Variants in EPHA6 observed in about 807,000 individuals in gnomAD.
The protein encoded by EPHA6 is ephrin type-A receptor 6.
In EPHA6, 50 loss-of-function variants were observed where a neutral mutation model predicts 112.0. That is an observed-to-expected ratio of 0.45 (90% CI 0.36 to 0.56). The LOEUF is 0.56. EPHA6 is among the 20% of genes least tolerant of loss of function. EPHA6 has a pLI of 0.00. For missense variants in EPHA6, 1,280 were observed against 1,417.4 expected (o/e 0.90, Z 1.56); for synonymous variants, 529 against 490.7 (o/e 1.08, Z -1.03).
At position 97,532,344 on chromosome 3, in the gene EPHA6, G is replaced by A. The variant is rs1297140528; in HGVS notation, c.2201-14G>A. On this transcript the variant is annotated splice_polypyrimidine_tract_variant and intron_variant, in intron 10 of 17. Coordinates refer to ENST00000389672, the MANE Select transcript of EPHA6 (RefSeq NM_001080448.3). ...TCGGTTTAATCAAATAACTGCTTTT[G>A]TTCATATTTTAAGGTGAATTTGGAG... 3 of 1,589,704 alleles carry A rather than the reference G, an allele frequency of 1.9e-6. No individual in the cohort carries two copies. Among genetic ancestry groups the A allele is most frequent in the Non-Finnish European group, 1.7e-6 (2 of 1,168,932 alleles).
At chr3:97,390,215 C>T (rs904505276) in intron 5 of EPHA6, among the ~76,000 whole-genome samples, 2 of 152,024 alleles carry the variant, frequency 1.3e-5, no homozygotes, top group Non-Finnish European at 2.9e-5. Context: ...GAACCAGAAA[C>T]AATGGCAGTG....
Position 97,328,054 on chromosome 3 carries a change from C to T in EPHA6, c.1607-77096C>T, listed in dbSNP as rs12492607. ...GTGTATATATACACACATATATACA[C>T]ATATATATATATATATATATATATA... On this transcript the variant is annotated intron_variant, in intron 5 of 17. Coordinates refer to ENST00000389672, the MANE Select transcript of EPHA6 (RefSeq NM_001080448.3). Among the ~76,000 whole-genome samples, 1,138 of 120,038 alleles carry T rather than the reference C, an allele frequency of 9.5e-3. 52 individuals are homozygous for T. The highest frequency in any genetic ancestry group is 0.04 in the African/African-American group (1,012 of 25,262). 78.7% of individuals were successfully genotyped at this position (120,038 alleles called of 152,430 possible). A position where few individuals can be genotyped will look rare whatever the true frequency, so the allele number is the denominator to read the frequency against.
chr3:97,315,716 A>T (rs1487845351), intron 5 of EPHA6, among the ~76,000 whole-genome samples: 1 of 151,756 alleles, frequency 6.6e-6, no homozygotes. Context: ...AAACATAAAA[A>T]AGCTTCAGTA....
At chr3:97,480,942 A>G (rs2091521226) in intron 9 of EPHA6, among the ~76,000 whole-genome samples, 2 of 150,472 alleles carry the variant, frequency 1.3e-5, no homozygotes, top group African/African-American at 4.9e-5. Flanking sequence ...GACGCTCCTC[A>G]CTTCCTAGAC....
At chr3:96,889,347 A>G (rs552693857) in intron 2 of EPHA6, among the ~76,000 whole-genome samples, 4 of 152,106 alleles carry the variant, frequency 2.6e-5, no homozygotes, top group African/African-American at 4.8e-5. Context: ...GTATTAGTGC[A>G]TTTTCCGACT....
intron 13 of EPHA6, among the ~76,000 whole-genome samples, chr3:97,626,013 G>A (rs753024071): frequency 1.3e-5 from 2 of 151,552 alleles, no homozygotes; most frequent in Admixed American, 6.6e-5. Flanking sequence ...AGTTTTTATG[G>A]GAATTTTGAG....
chr3:97,131,895 A>G (rs148930395), intron 3 of EPHA6, among the ~76,000 whole-genome samples: 23 of 152,256 alleles, frequency 1.5e-4, no homozygotes, highest in African/African-American at 5.3e-4. Flanking sequence ...TACGGTTTCA[A>G]TCATAACCTA....
At chr3:97,662,842 T>C (rs1437734534) in intron 14 of EPHA6, among the ~76,000 whole-genome samples, 7 of 152,228 alleles carry the variant, frequency 4.6e-5, no homozygotes, top group African/African-American at 1.7e-4. Context: ...GGGCTTTTCA[T>C]ATCTCTTTAC....
At chr3:97,357,246 A>G (rs2084127731) in intron 5 of EPHA6, among the ~76,000 whole-genome samples, 1 of 152,084 alleles carries the variant, frequency 6.6e-6, no homozygotes, top group African/African-American at 2.4e-5. Flanking sequence ...TCGCTCTGTC[A>G]CCTAGGCTGG....
chr3:97,390,852 G>A (rs1468888354), intron 5 of EPHA6, among the ~76,000 whole-genome samples: 1 of 151,956 alleles, frequency 6.6e-6, no homozygotes, highest in Non-Finnish European at 1.5e-5. Context: ...AAAGGCAATT[G>A]ATACTGGGGC....
intron 3 of EPHA6, among the ~76,000 whole-genome samples, chr3:97,000,046 G>C (rs1397958573): frequency 6.6e-6 from 1 of 151,778 alleles, no homozygotes; most frequent in Non-Finnish European, 1.5e-5. Context: ...AATGTGTCAA[G>C]TAGCAACCAA....
intron 5 of EPHA6, among the ~76,000 whole-genome samples, chr3:97,283,788 T>C (rs2080372501): frequency 6.6e-6 from 1 of 152,084 alleles, no homozygotes; most frequent in Non-Finnish European, 1.5e-5. Context: ...TAATGAAACT[T>C]ATTATCAAGC....
chr3:97,361,149 A>G (rs750037234), intron 5 of EPHA6, among the ~76,000 whole-genome samples: 1 of 152,216 alleles, frequency 6.6e-6, no homozygotes, highest in Non-Finnish European at 1.5e-5. Context: ...TTTCATAGGC[A>G]TGCATCATTT....
intron 3 of EPHA6, among the ~76,000 whole-genome samples, chr3:97,195,567 A>G (rs2077417326): frequency 6.6e-6 from 1 of 151,990 alleles, no homozygotes; most frequent in African/African-American, 2.4e-5. Context: ...TTGTCTGTGT[A>G]CTTACCGTTA....
intron 3 of EPHA6, among the ~76,000 whole-genome samples, chr3:97,063,761 TAAAAA>T (rs1189997618): frequency 1.3e-5 from 2 of 151,804 alleles, no homozygotes; most frequent in African/African-American, 4.8e-5. Flanking sequence ...GTTAAATAAT[TAAAAA>T]AAGAAAACCC....
intron 6 of EPHA6, among the ~76,000 whole-genome samples, chr3:97,431,941 A>AT (rs1487298315): frequency 6.6e-6 from 1 of 151,946 alleles, no homozygotes; most frequent in African/African-American, 2.4e-5. Context: ...CCAAATCACT[A>AT]TTTTTTACTC....
chr3:97,152,934 A>T (rs1040134926), intron 3 of EPHA6, among the ~76,000 whole-genome samples: 3 of 152,202 alleles, frequency 2.0e-5, no homozygotes, highest in Admixed American at 2.0e-4. Flanking sequence ...TCATCATGCT[A>T]TCATGATGCT....
chr3:97,118,901 A>C (rs2047967306), intron 3 of EPHA6, among the ~76,000 whole-genome samples: 1 of 151,972 alleles, frequency 6.6e-6, no homozygotes, highest in Admixed American at 6.6e-5. Flanking sequence ...GATCGATACC[A>C]TCTCTTCAAA....
At chr3:97,181,577 A>G (rs2076989518) in intron 3 of EPHA6, among the ~76,000 whole-genome samples, 3 of 128,940 alleles carry the variant, frequency 2.3e-5, no homozygotes, top group Admixed American at 1.6e-4. Context: ...GCAGAAGTGT[A>G]TATATATATG....
Sources: allele counts gnomAD v4.1 joint callset (sites outside exome capture counted in the v4.1 genomes callset), GRCh38; gene constraint gnomAD v4.1.1; transcripts MANE v1.5; gene names NCBI Gene and HGNC (gene_info 2026-07-23, HGNC 2026-07-21).